The following KCNIP4 variants were observed in gnomAD, a reference collection of about 807,000 sequenced individuals.
The protein encoded by KCNIP4 is Kv channel-interacting protein 4.
Under a neutral mutation model 34.0 loss-of-function variants are expected in KCNIP4, and 12 were observed. That is an observed-to-expected ratio of 0.35 (90% CI 0.23 to 0.57). KCNIP4 has a LOEUF of 0.57. Among genes scored for constraint, KCNIP4 ranks in the 20% least tolerant of loss-of-function variants. The pLI, the probability that KCNIP4 is intolerant of heterozygous loss-of-function variation, is 0.83. For missense variants in KCNIP4, 238 were observed against 311.7 expected (o/e 0.76, Z 1.78); for synonymous variants, 124 against 102.2 (o/e 1.21, Z -1.29).
chr4:21,749,156 G>A (rs1716978261), intron 1 of KCNIP4, among the ~76,000 whole-genome samples: 1 of 152,062 alleles, frequency 6.6e-6, no homozygotes, highest in Non-Finnish European at 1.5e-5. Context: ...ATCCAAACAT[G>A]TCTTCAAAAT....
intron 1 of KCNIP4, among the ~76,000 whole-genome samples, chr4:21,713,973 C>T (rs1713948920): frequency 6.6e-6 from 1 of 152,062 alleles, no homozygotes; most frequent in Non-Finnish European, 1.5e-5. Context: ...CAGAAGAGTC[C>T]AGCACTTCCA....
At chr4:21,032,826 A>G (rs1243530075) in intron 1 of KCNIP4, among the ~76,000 whole-genome samples, 1 of 152,134 alleles carries the variant, frequency 6.6e-6, no homozygotes, top group Non-Finnish European at 1.5e-5. Flanking sequence ...TCAAGCAGAA[A>G]TTGAACAGCC....
At chr4:20,761,000 A>G (rs891964818) in intron 3 of KCNIP4, among the ~76,000 whole-genome samples, 1 of 152,172 alleles carries the variant, frequency 6.6e-6, no homozygotes, top group African/African-American at 2.4e-5. Flanking sequence ...GGCTTTTGCT[A>G]TTACTTTCAA....
intron 1 of KCNIP4, among the ~76,000 whole-genome samples, chr4:21,184,160 G>A (rs890836853): frequency 6.6e-6 from 1 of 151,884 alleles, no homozygotes; most frequent in Non-Finnish European, 1.5e-5. Flanking sequence ...ATTTCCCTAT[G>A]TTTCAATTTT....
At chr4:21,499,346 A>AAAAAAAAAAAAAAAAAAAC (rs1491409328) in intron 1 of KCNIP4, among the ~76,000 whole-genome samples, 3 of 148,654 alleles carry the variant, frequency 2.0e-5, no homozygotes, top group African/African-American at 7.5e-5. Context: ...AAAAAAAAAA[A>AAAAAAAAAAAAAAAAAAAC]CAACTACATA....
intron 1 of KCNIP4, among the ~76,000 whole-genome samples, chr4:21,273,222 A>G (rs562146008): frequency 2.8e-4 from 42 of 152,150 alleles, no homozygotes; most frequent in South Asian, 8.3e-4. Flanking sequence ...CCTGGTCAAT[A>G]TAAGTGTCTG....
At chr4:21,107,986 C>T (rs1748742637) in intron 1 of KCNIP4, among the ~76,000 whole-genome samples, 1 of 151,404 alleles carries the variant, frequency 6.6e-6, no homozygotes, top group South Asian at 2.1e-4. Context: ...GTCTGATGGG[C>T]TTCCCTTTGT....
chr4:21,057,443 AT>A (rs968345088), intron 1 of KCNIP4, among the ~76,000 whole-genome samples: 26 of 151,948 alleles, frequency 1.7e-4, no homozygotes, highest in Non-Finnish European at 2.6e-4. Flanking sequence ...TGTAGCTGTA[AT>A]TTTTTTTCAA....
intron 2 of KCNIP4, among the ~76,000 whole-genome samples, chr4:20,861,166 C>G (rs1187796471): frequency 6.6e-6 from 1 of 152,146 alleles, no homozygotes; most frequent in Non-Finnish European, 1.5e-5. Context: ...TGTCTTTCCC[C>G]TTCCTGTTAT....
At chr4:21,492,926 C>A (rs577536714) in intron 1 of KCNIP4, among the ~76,000 whole-genome samples, 1 of 152,132 alleles carries the variant, frequency 6.6e-6, no homozygotes, top group Non-Finnish European at 1.5e-5. Context: ...TAGAGAAAAC[C>A]ACTCTTTACT....
intron 1 of KCNIP4, among the ~76,000 whole-genome samples, chr4:21,422,198 T>G (rs899971759): frequency 2.6e-5 from 2 of 77,882 alleles, no homozygotes; most frequent in Non-Finnish European, 7.9e-5. Flanking sequence ...GCAGCCTACT[T>G]TTTTTTTTTT....
intron 1 of KCNIP4, among the ~76,000 whole-genome samples, chr4:21,201,191 T>C (rs1297392249): frequency 1.3e-5 from 2 of 152,188 alleles, no homozygotes; most frequent in African/African-American, 4.8e-5. Context: ...TCATGAAGCT[T>C]TCTGTTTTAG....
chr4:20,924,447 C>T (rs1473908145), intron 1 of KCNIP4, among the ~76,000 whole-genome samples: 1 of 152,184 alleles, frequency 6.6e-6, no homozygotes, highest in Non-Finnish European at 1.5e-5. Flanking sequence ...CCTCCAGTTT[C>T]ATTCCCCTTT....
chr4:20,824,794 T>G (rs999858688), intron 3 of KCNIP4, among the ~76,000 whole-genome samples: 6 of 149,918 alleles, frequency 4.0e-5, no homozygotes, highest in Non-Finnish European at 5.9e-5. Context: ...ATTAAAGGAT[T>G]GTCCCATGTA....
chr4:20,768,498 T>A (rs1419023395), intron 3 of KCNIP4, among the ~76,000 whole-genome samples: 1 of 152,202 alleles, frequency 6.6e-6, no homozygotes, highest in Non-Finnish European at 1.5e-5. Context: ...ACCTTTCAGT[T>A]TTCAAAGCAG....
intron 1 of KCNIP4, among the ~76,000 whole-genome samples, chr4:21,330,698 C>A (rs1302782489): frequency 6.6e-6 from 1 of 152,098 alleles, no homozygotes; most frequent in African/African-American, 2.4e-5. Flanking sequence ...GAATAAGGAG[C>A]TTAACTTCCT....
At chr4:21,377,002 G>A (rs1721020931) in intron 1 of KCNIP4, among the ~76,000 whole-genome samples, 2 of 151,960 alleles carry the variant, frequency 1.3e-5, no homozygotes, top group South Asian at 2.1e-4. Context: ...TTCCAGATAG[G>A]AAGGCATTTT....
intron 1 of KCNIP4, among the ~76,000 whole-genome samples, chr4:21,374,675 C>G (rs185350947): frequency 6.8e-6 from 1 of 147,692 alleles, no homozygotes; most frequent in Admixed American, 6.6e-5. Context: ...AATGGTTGGT[C>G]TTTTCATTAT....
chr4:21,002,643 C>T (rs1351322765), intron 1 of KCNIP4, among the ~76,000 whole-genome samples: 5 of 152,124 alleles, frequency 3.3e-5, no homozygotes, highest in South Asian at 2.1e-4. Flanking sequence ...TGCAAATTCT[C>T]GGGCCCACCC....
Sources: allele counts gnomAD v4.1 joint callset (sites outside exome capture counted in the v4.1 genomes callset), GRCh38; gene constraint gnomAD v4.1.1; transcripts MANE v1.5; gene names NCBI Gene and HGNC (gene_info 2026-07-23, HGNC 2026-07-21).